The following COPS2 variants were observed in gnomAD, a reference collection of about 807,000 sequenced individuals.
COPS2 encodes the protein COP9 signalosome complex subunit 2.
A neutral mutation model predicts 66.1 loss-of-function variants in COPS2; 10 were observed. The ratio of observed to expected loss-of-function variants is 0.15; its 90% CI spans 0.09 to 0.26. The LOEUF (loss-of-function observed/expected upper bound fraction) is 0.26. Ranked by LOEUF, COPS2 falls within the 10% of genes least tolerant of loss-of-function variation. The probability of loss-of-function intolerance (pLI) is 1.00; values close to 1 mark genes in which losing one functional copy is unlikely to be tolerated. For missense variants in COPS2, 215 were observed against 513.3 expected, an observed-to-expected ratio of 0.42 and a Z score of 5.62; for synonymous variants, 179 against 171.3, an observed-to-expected ratio of 1.04 and a Z score of -0.35.
intron 1 of COPS2, among the ~76,000 whole-genome samples, chr15:49,148,021 C>T (rs1028878274): frequency 2.6e-5 from 4 of 152,280 alleles, no homozygotes; most frequent in African/African-American, 9.6e-5. Flanking sequence ...ACATCACTAA[C>T]CCATCATTTG....
intron 6 of COPS2, among the ~76,000 whole-genome samples, chr15:49,136,376 A>C (rs1397837674): frequency 1.3e-5 from 2 of 152,182 alleles, no homozygotes; most frequent in Non-Finnish European, 2.9e-5. Context: ...ATGGCTTTTC[A>C]AATTTAAAGT....
chr15:49,139,682 A>C (rs1476591448), intron 3 of COPS2, 29 bp from the exon 4 acceptor site: 2 of 1,545,836 alleles, frequency 1.3e-6, no homozygotes, highest in Non-Finnish European at 1.8e-6. Context: ...GAATTATCAG[A>C]TGCAAATTTA....
At chr15:49,131,590 T>C (rs1425985050) in intron 9 of COPS2, among the ~76,000 whole-genome samples, 1 of 151,970 alleles carries the variant, frequency 6.6e-6, no homozygotes, top group African/African-American at 2.4e-5. Flanking sequence ...TGGGTCCCAA[T>C]GTAACCTCAT....
At chr15:49,146,954 T>C (rs2084324939) in intron 1 of COPS2, among the ~76,000 whole-genome samples, 1 of 152,118 alleles carries the variant, frequency 6.6e-6, no homozygotes, top group African/African-American at 2.4e-5. Flanking sequence ...AAGTGCCAAA[T>C]TCTCCCACTT....
At position 49,144,956 on chromosome 15, in the gene COPS2, A is replaced by C. The variant is rs769017545; in HGVS notation, c.168+9T>G. 5.4e-6 allele frequency: 8 copies of C among 1,475,940 alleles called. No homozygotes were observed. In the Admixed American group the frequency reaches 1.6e-4, roughly 30 times the overall value. The allele number at this position is 1,475,940 out of a possible 1,614,324, so 91.4% of individuals were successfully genotyped here. A position where few individuals can be genotyped will look rare whatever the true frequency, so the allele number is the denominator to read the frequency against. On this transcript the variant is annotated intron_variant, in intron 2 of 12. Transcript: ENST00000388901. ...TAACACATAGAATCAAATGGAAAAG[A>C]ATATAAACCTTTTGGAAACTGCTTA...
At chr15:49,130,447 T>C (rs537625788) in intron 10 of COPS2, among the ~76,000 whole-genome samples, 1 of 152,282 alleles carries the variant, frequency 6.6e-6, no homozygotes, top group East Asian at 1.9e-4. Context: ...TGCAACAGCA[T>C]CTATATTAGA....
chr15:49,143,207 A>G (rs2084300334), intron 3 of COPS2, among the ~76,000 whole-genome samples: 1 of 152,206 alleles, frequency 6.6e-6, no homozygotes, highest in South Asian at 2.1e-4. Flanking sequence ...GAACAGCAAG[A>G]AGGCCAGTGA....
chr15:49,141,120 T>C (rs946206943), intron 3 of COPS2, among the ~76,000 whole-genome samples: 1 of 152,146 alleles, frequency 6.6e-6, no homozygotes, highest in East Asian at 1.9e-4. Flanking sequence ...TTACAGTACA[T>C]ATCTTGCAGC....
intron 9 of COPS2, among the ~76,000 whole-genome samples, chr15:49,133,137 T>C (rs491277): frequency 0.67 from 101,340 of 151,562 alleles, 34,570 homozygotes; most frequent in African/African-American, 0.77. Context: ...TACAGGCGCC[T>C]GCCACCACGC....
At chr15:49,147,725 C>CAA (rs34315247) in intron 1 of COPS2, among the ~76,000 whole-genome samples, 2,776 of 93,942 alleles carry the variant, frequency 0.03, 70 homozygotes, top group South Asian at 0.072. Context: ...GTTACAACTC[C>CAA]AAAAAAAAAA....
At chr15:49,150,338 C>T (rs927905673) in intron 1 of COPS2, among the ~76,000 whole-genome samples, 3 of 151,398 alleles carry the variant, frequency 2.0e-5, no homozygotes, top group African/African-American at 7.3e-5. Context: ...TATATTTTTC[C>T]CACCTAACAA....
intron 3 of COPS2, 135 bp from the exon 4 acceptor site, chr15:49,139,788 G>A (rs1182007628): frequency 1.6e-6 from 1 of 630,946 alleles, no homozygotes. Flanking sequence ...TTGTAAAAGA[G>A]GAACTATGTA....
intron 9 of COPS2, among the ~76,000 whole-genome samples, chr15:49,133,492 G>GA (rs1422327556): frequency 6.6e-6 from 1 of 152,174 alleles, no homozygotes; most frequent in Non-Finnish European, 1.5e-5. Context: ...GTTTTCCACT[G>GA]AAAGACACAG....
chr15:49,129,338 CTTAAG>C (rs1280769292), intron 11 of COPS2, 134 bp downstream of exon 11: 5 of 396,494 alleles, frequency 1.3e-5, no homozygotes, highest in African/African-American at 2.1e-5. Flanking sequence ...AAGTAAAGCC[CTTAAG>C]TTATGTTTAA....
At chr15:49,143,973 G>A (rs1195948250) in intron 3 of COPS2, among the ~76,000 whole-genome samples, 88 of 128,714 alleles carry the variant, frequency 6.8e-4, no homozygotes, top group African/African-American at 2.4e-3. Context: ...GTGACAGAGC[G>A]GGGGAAAAAA....
chr15:49,152,592 A>G (rs980756862), intron 1 of COPS2, among the ~76,000 whole-genome samples: 1 of 152,098 alleles, frequency 6.6e-6, no homozygotes, highest in African/African-American at 2.4e-5. Context: ...AAGGCTGAGG[A>G]GGGCAGATCA....
chr15:49,133,668 G>T, intron 9 of COPS2, 91 bp downstream of exon 9: 1 of 788,660 alleles, frequency 1.3e-6, no homozygotes, highest in Non-Finnish European at 2.0e-6. Flanking sequence ...GGCAAATGTT[G>T]AATATTAACT....
chr15:49,144,285 T>G lies in COPS2; in HGVS notation c.188A>C (p.Glu63Ala). 1 of 1,609,328 alleles carries G rather than the reference T, an allele frequency of 6.2e-7. No individual in the cohort carries two copies. The highest frequency in any genetic ancestry group is 8.5e-7 in the Non-Finnish European group (1 of 1,176,756). ...TGCTTTAAATCCCCATTCTCCTTTT[T>G]CACCTTCAAGTTCCAAAACCTAAAA... ...SFQKVLELEG[E>A]KGEWGFKALK... The change falls in exon 3 of 13, where the codon GAA (glutamate) becomes GCA (alanine). Residue 63 changes from glutamate to alanine, a missense_variant. Coordinates refer to ENST00000388901, the MANE Select transcript of COPS2 (RefSeq NM_004236.4).
At chr15:49,128,582 G>T in intron 12 of COPS2, 120 bp downstream of exon 12, 1 of 648,372 alleles carries the variant, frequency 1.5e-6, no homozygotes, top group Non-Finnish European at 2.7e-6. Context: ...TCTTCTAATA[G>T]AAAACCATAC....
Sources: allele counts gnomAD v4.1 joint callset (sites outside exome capture counted in the v4.1 genomes callset), GRCh38; gene constraint gnomAD v4.1.1; transcripts MANE v1.5; gene names NCBI Gene and HGNC (gene_info 2026-07-23, HGNC 2026-07-21).